Variants in PIP4K2A observed in about 807,000 individuals in gnomAD.
PIP4K2A encodes phosphatidylinositol-5-phosphate 4-kinase type 2 alpha.
In PIP4K2A, 14 loss-of-function variants were observed where a neutral mutation model predicts 42.9. That is an observed-to-expected ratio of 0.33 (90% confidence interval 0.22 to 0.51). The LOEUF is 0.51. Ranked by LOEUF, PIP4K2A falls within the 20% of genes least tolerant of loss-of-function variation. PIP4K2A has a pLI of 0.97. For synonymous variants in PIP4K2A, 192 were observed against 192.2 expected (o/e 1.00, Z 0.01); for missense variants, 434 against 519.8 (o/e 0.83, Z 1.61).
At chr10:22,705,426 TAAAAAAAAAAAAAAAAA>T (rs150254345) in intron 1 of PIP4K2A, among the ~76,000 whole-genome samples, 44 of 29,244 alleles carry the variant, frequency 1.5e-3, no homozygotes, top group East Asian at 5.6e-3. Context: ...GTACCCCAGT[TAAAAAAAAAAAAAAAAA>T]AAAAAAAAAA....
At chr10:22,661,675 A>G (rs1157729487) in intron 1 of PIP4K2A, 2 of 152,172 alleles carry the variant, frequency 1.3e-5, no homozygotes, top group East Asian at 3.8e-4. Context: ...ATAGGAGAAC[A>G]CTTTTAAGTT....
Position 22,554,002 on chromosome 10 carries a change from G to A in PIP4K2A, c.679-3230C>T, listed in dbSNP as rs149672842. On this transcript the variant is annotated intron_variant, in intron 6 of 9. Coordinates refer to ENST00000376573, the MANE Select transcript of PIP4K2A (RefSeq NM_005028.5). ...AAGTAATAAAACATATGAGATAACC[G>A]TGGTGGTGTGTGCCTCTCATCCCAG... Among the ~76,000 whole-genome samples, 155 of 151,950 alleles carry A rather than the reference G, an allele frequency of 1.0e-3. 6 individuals carry two copies. The East Asian group carries it at 0.026, about 25-fold the overall frequency.
intron 1 of PIP4K2A, among the ~76,000 whole-genome samples, chr10:22,691,306 G>A (rs1428404244): frequency 6.6e-6 from 1 of 152,014 alleles, no homozygotes; most frequent in Admixed American, 6.6e-5. Context: ...TAGTTAAAAG[G>A]CCCGAAATGC....
chr10:22,632,657 T>C (rs1838573365), intron 1 of PIP4K2A, among the ~76,000 whole-genome samples: 1 of 152,244 alleles, frequency 6.6e-6, no homozygotes, highest in African/African-American at 2.4e-5. Flanking sequence ...CTCATATCCC[T>C]GGCACCTAGC....
intron 1 of PIP4K2A, among the ~76,000 whole-genome samples, chr10:22,669,541 A>G (rs900082412): frequency 1.3e-5 from 2 of 151,868 alleles, no homozygotes; most frequent in Admixed American, 6.6e-5. Flanking sequence ...AAGGAAAAGG[A>G]GCACTTCTCC....
Position 22,535,275 on chromosome 10 carries a change from CT to C in PIP4K2A, c.*1925del, listed in dbSNP as rs1835891562. The C allele has an allele frequency of 6.6e-6, 1 of 152,196 alleles. No individual in the cohort carries two copies. Among genetic ancestry groups the C allele is most frequent in the South Asian group, 2.1e-4 (1 of 4,826 alleles). 9.4% of individuals were successfully genotyped at this position (152,196 alleles called of 1,614,324 possible). Reference sequence around the variant, plus strand: ...AGAACTTCACAACACAAAAACTGATCTGATGCCAGAATTAATGGTGCAGGGA... The same window carrying C: ...AGAACTTCACAACACAAAAACTGATCGATGCCAGAATTAATGGTGCAGGGA... On this transcript the variant is annotated 3_prime_UTR_variant, in exon 10 of 10. Transcript: ENST00000376573.
intron 3 of PIP4K2A, among the ~76,000 whole-genome samples, chr10:22,606,143 AC>A (rs749023393): frequency 9.9e-5 from 8 of 81,132 alleles, no homozygotes; most frequent in Admixed American, 1.4e-4. Context: ...CCCAATCTCT[AC>A]CAAAAAAAAA....
Position 22,591,793 on chromosome 10 carries a change from G to T in PIP4K2A, c.340-12C>A, listed in dbSNP as rs769204793. 1.3e-6 allele frequency: 2 copies of T among 1,597,186 alleles called. No homozygotes were observed. Among genetic ancestry groups the T allele is most frequent in the East Asian group, 2.3e-5 (1 of 44,418 alleles). On this transcript the variant is annotated splice_polypyrimidine_tract_variant and intron_variant, in intron 3 of 9. Coordinates refer to ENST00000376573, the MANE Select transcript of PIP4K2A (RefSeq NM_005028.5). Reference sequence around the variant, plus strand: ...CTGGTCAGGGAATTCTTCCCGGGTGGGGTAAGAGGGGAAGGAAGGCGGGGG... The same window carrying T: ...CTGGTCAGGGAATTCTTCCCGGGTGTGGTAAGAGGGGAAGGAAGGCGGGGG...
chr10:22,564,514 C>T (rs894869660), intron 6 of PIP4K2A, among the ~76,000 whole-genome samples: 3 of 152,212 alleles, frequency 2.0e-5, no homozygotes, highest in Non-Finnish European at 2.9e-5. Context: ...TCTGTACACA[C>T]CCTGGCATTT....
chr10:22,677,777 A>G (rs1564464671), intron 1 of PIP4K2A, among the ~76,000 whole-genome samples: 1 of 152,328 alleles, frequency 6.6e-6, no homozygotes, highest in East Asian at 1.9e-4. Context: ...ACCATCAGAA[A>G]ATGTTTCTAA....
At position 22,714,356 on chromosome 10, in the gene PIP4K2A, T is replaced by C. The variant is rs746998695; in HGVS notation, c.-30A>G. The stretch of plus-strand genomic sequence containing the variant: ...GCCTCCTATGTCCCCTCCACCGCCG[T>C]GCTCCCGAGGCCGGGGACCCGCCCT... On this transcript the variant is annotated 5_prime_UTR_variant, in exon 1 of 10. Transcript: ENST00000376573. 2 of 1,519,064 alleles carry C rather than the reference T, an allele frequency of 1.3e-6. No homozygotes were observed. The highest frequency in any genetic ancestry group is 1.8e-6 in the Non-Finnish European group (2 of 1,129,096). 94.1% of individuals were successfully genotyped at this position (1,519,064 alleles called of 1,614,324 possible).
chr10:22,565,615 A>T (rs187428691), intron 6 of PIP4K2A, among the ~76,000 whole-genome samples: 167 of 152,334 alleles, frequency 1.1e-3, no homozygotes, highest in African/African-American at 3.1e-3. Context: ...GTGTTTGAAC[A>T]AATACGAAAT....
intron 4 of PIP4K2A, among the ~76,000 whole-genome samples, chr10:22,583,291 C>T (rs1837319262): frequency 6.6e-6 from 1 of 152,164 alleles, no homozygotes; most frequent in Non-Finnish European, 1.5e-5. Context: ...CCTGGAAAGC[C>T]CCATCCCAGA....
rs1029892560 is a variant in PIP4K2A at position 22,587,791 on chromosome 10, T to C, written c.492+3838A>G. ...TAGGCAGCCGGTGTGCATTATAGCC[T>C]TTCTCTGTAGAACAGCATTTACTAA... is the stretch of plus-strand genomic sequence containing the variant. On this transcript the variant is annotated intron_variant, in intron 4 of 9. Transcript: ENST00000376573. Among the ~76,000 whole-genome samples the C allele has an allele frequency of 2.6e-5, 4 of 152,334 alleles. No homozygotes were observed. In the South Asian group the frequency reaches 6.2e-4, roughly 24 times the overall value.
At chr10:22,668,196 T>C (rs1299438446) in intron 1 of PIP4K2A, among the ~76,000 whole-genome samples, 2 of 152,172 alleles carry the variant, frequency 1.3e-5, no homozygotes, top group Admixed American at 1.3e-4. Context: ...GTGATCCGCC[T>C]GCCTTGGCCT....
At chr10:22,561,826 A>G (rs1028824554) in intron 6 of PIP4K2A, among the ~76,000 whole-genome samples, 7 of 152,060 alleles carry the variant, frequency 4.6e-5, no homozygotes, top group Admixed American at 1.3e-4. Flanking sequence ...CAGCCTCCCT[A>G]AAGTGCTGGG....
At chr10:22,695,422 T>C (rs565452213) in intron 1 of PIP4K2A, among the ~76,000 whole-genome samples, 2 of 152,310 alleles carry the variant, frequency 1.3e-5, no homozygotes, top group African/African-American at 4.8e-5. Context: ...TTATCCTTGT[T>C]TTTCCCAAAC....
In PIP4K2A at chr10:22,591,662, G is replaced by A. The variant is rs751821661; in HGVS notation, c.459C>T (p.Ala153=). The change falls in exon 4 of 10, where the codon GCC becomes GCT. Residue 153 remains alanine (A), a synonymous_variant. Transcript: ENST00000376573. ...ATTTCTTCAGGATGTTGTGCATTTC[G>A]GCCACGTCTTCACTGGTAATAGTCT... ...IIKTITSEDV[A]EMHNILKKYH... The A allele has an allele frequency of 1.9e-5, 31 of 1,609,240 alleles. No homozygotes were observed. Among genetic ancestry groups the A allele is most frequent in the South Asian group, 5.5e-5 (5 of 90,196 alleles).
intron 2 of PIP4K2A, 124 bp from the exon 3 acceptor site, chr10:22,608,147 G>A: frequency 6.7e-6 from 4 of 598,296 alleles, no homozygotes. Context: ...AAGCACAGGT[G>A]TGCTTCCTAG....
Sources: gnomAD v4.1 joint callset for allele counts (sites outside exome capture counted in the v4.1 genomes callset) on GRCh38, gnomAD v4.1.1 for gene constraint, MANE v1.5 for transcripts, NCBI Gene and HGNC (gene_info 2026-07-23, HGNC 2026-07-21) for gene names.